The following KCNN2 variants were observed in gnomAD, a reference collection of about 807,000 sequenced individuals.
KCNN2 encodes potassium calcium-activated channel subfamily N member 2.
A neutral mutation model predicts 55.5 loss-of-function variants in KCNN2; 24 were observed. That is an observed-to-expected ratio of 0.43 (90% confidence interval 0.31 to 0.61). The LOEUF (loss-of-function observed/expected upper bound fraction) is 0.61, where lower values mean the gene tolerates loss of function less well. Among genes scored for constraint, KCNN2 ranks in the 20% least tolerant of loss-of-function variants. The pLI, the probability that KCNN2 is intolerant of heterozygous loss-of-function variation, is 0.08. For missense variants in KCNN2, 754 were observed against 853.6 expected (o/e 0.88, Z 1.45); for synonymous variants, 431 against 336.1 (o/e 1.28, Z -3.09).
chr5:114,071,909 G>T (rs1750577206), intron 1 of KCNN2, among the ~76,000 whole-genome samples: 1 of 152,190 alleles, frequency 6.6e-6, no homozygotes, highest in African/African-American at 2.4e-5. Context: ...CATAAAAGAT[G>T]ATTAGGTCAT....
intron 1 of KCNN2, among the ~76,000 whole-genome samples, chr5:114,172,132 T>C (rs1414436267): frequency 6.6e-6 from 1 of 151,888 alleles, no homozygotes; most frequent in African/African-American, 2.4e-5. Flanking sequence ...GTTTCTCCAG[T>C]TGATTCTCAA....
intron 3 of KCNN2, among the ~76,000 whole-genome samples, chr5:114,416,420 T>G (rs337714): frequency 0.52 from 78,294 of 151,982 alleles, 22,305 homozygotes; most frequent in African/African-American, 0.77. Context: ...ACCTTGCTGG[T>G]TTTTATGACC....
intron 2 of KCNN2, among the ~76,000 whole-genome samples, chr5:114,256,143 A>G (rs1754978919): frequency 1.3e-5 from 2 of 152,134 alleles, no homozygotes; most frequent in African/African-American, 4.8e-5. Context: ...ATAATCATCT[A>G]CAGTTCCATC....
rs554280219 is a variant in KCNN2 at position 114,328,677 on chromosome 5, C to T, written c.-184-32268C>T. 1.2e-4 allele frequency among the ~76,000 whole-genome samples: 19 copies of T among 152,228 alleles called. No homozygotes were observed. The East Asian group carries it at 2.7e-3, about 22-fold the overall frequency. The stretch of plus-strand genomic sequence containing the variant: ...GCCCATGGGAAACTGCCTCACCCTT[C>T]GGCAGGGAAGAAGCCACCTTTCCTG... On this transcript the variant is annotated intron_variant, in intron 2 of 10. Coordinates refer to the KCNN2 transcript ENST00000512097.
At chr5:114,075,477 T>C (rs571901136) in intron 1 of KCNN2, among the ~76,000 whole-genome samples, 8 of 152,364 alleles carry the variant, frequency 5.3e-5, no homozygotes, top group African/African-American at 1.4e-4. Context: ...CTGTAAAATA[T>C]GCTGCTGTGT....
At chr5:114,276,938 T>C (rs1273309172) in intron 2 of KCNN2, among the ~76,000 whole-genome samples, 1 of 152,178 alleles carries the variant, frequency 6.6e-6, no homozygotes, top group African/African-American at 2.4e-5. Context: ...ATAGTGTCGA[T>C]GGTCTTTACA....
At chr5:114,303,709 T>C (rs528335175) in intron 2 of KCNN2, among the ~76,000 whole-genome samples, 3 of 152,184 alleles carry the variant, frequency 2.0e-5, no homozygotes, top group African/African-American at 7.2e-5. Flanking sequence ...TAAGTTGCAA[T>C]GCAAATAGTA....
At chr5:114,342,221 A>T (rs1453304392) in intron 2 of KCNN2, among the ~76,000 whole-genome samples, 2 of 151,644 alleles carry the variant, frequency 1.3e-5, no homozygotes, top group Admixed American at 1.3e-4. Context: ...TTTTTAAATT[A>T]TATCTCCAGA....
chr5:114,306,847 C>G (rs1331318681), intron 2 of KCNN2, among the ~76,000 whole-genome samples: 1 of 151,964 alleles, frequency 6.6e-6, no homozygotes, highest in Non-Finnish European at 1.5e-5. Flanking sequence ...ACTACAGGCA[C>G]ACACCATCAT....
chr5:114,156,310 T>C (rs1752634232), intron 1 of KCNN2, among the ~76,000 whole-genome samples: 1 of 152,176 alleles, frequency 6.6e-6, no homozygotes, highest in African/African-American at 2.4e-5. Context: ...TAAAGTCAGG[T>C]AGCATGATGC....
intron 2 of KCNN2, among the ~76,000 whole-genome samples, chr5:114,276,066 C>T (rs1461052329): frequency 6.6e-6 from 1 of 152,156 alleles, no homozygotes; most frequent in East Asian, 1.9e-4. Context: ...ATCTTTATTT[C>T]TGCCTTCATT....
At chr5:114,243,938 C>T (rs1754696364) in intron 2 of KCNN2, among the ~76,000 whole-genome samples, 2 of 152,098 alleles carry the variant, frequency 1.3e-5, no homozygotes, top group Non-Finnish European at 2.9e-5. Context: ...TAAACTACTG[C>T]GGATTGCAAG....
At chr5:114,068,256 A>G (rs1750491299) in intron 1 of KCNN2, among the ~76,000 whole-genome samples, 1 of 152,258 alleles carries the variant, frequency 6.6e-6, no homozygotes, top group African/African-American at 2.4e-5. Flanking sequence ...TAATTATTAA[A>G]TAAATTTCTG....
At chr5:114,482,009 C>A (rs1022340937) in intron 5 of KCNN2, among the ~76,000 whole-genome samples, 1 of 152,046 alleles carries the variant, frequency 6.6e-6, no homozygotes, top group African/African-American at 2.4e-5. Context: ...AAAGCAATTG[C>A]AACAAGCAAA....
chr5:114,339,167 A>T (rs982984582), intron 2 of KCNN2, among the ~76,000 whole-genome samples: 13 of 152,220 alleles, frequency 8.5e-5, no homozygotes, highest in African/African-American at 3.1e-4. Context: ...AATACTTGAT[A>T]GGGTTTCTCA....
intron 2 of KCNN2, among the ~76,000 whole-genome samples, chr5:114,285,666 A>G (rs1329698239): frequency 1.3e-5 from 2 of 152,174 alleles, no homozygotes; most frequent in Non-Finnish European, 2.9e-5. Flanking sequence ...TGATGTGAAT[A>G]TACATTGAGT....
At chr5:114,146,645 T>G (rs1752402973) in intron 1 of KCNN2, among the ~76,000 whole-genome samples, 1 of 152,178 alleles carries the variant, frequency 6.6e-6, no homozygotes, top group Non-Finnish European at 1.5e-5. Flanking sequence ...GGAGAAGGCC[T>G]CAGGGATTAA....
intron 2 of KCNN2, among the ~76,000 whole-genome samples, chr5:114,396,201 GA>G (rs1758611587): frequency 6.6e-6 from 1 of 152,074 alleles, no homozygotes; most frequent in East Asian, 1.9e-4. Context: ...AGCAAGTTCT[GA>G]CAAGATTTCT....
intron 2 of KCNN2, among the ~76,000 whole-genome samples, chr5:114,228,176 T>C (rs914901288): frequency 2.0e-5 from 3 of 152,142 alleles, no homozygotes; most frequent in Non-Finnish European, 2.9e-5. Flanking sequence ...TCTTGAGATG[T>C]CATTTCAATT....
Sources: allele counts gnomAD v4.1 joint callset (sites outside exome capture counted in the v4.1 genomes callset), GRCh38; gene constraint gnomAD v4.1.1; transcripts MANE v1.5; gene names NCBI Gene and HGNC (gene_info 2026-07-23, HGNC 2026-07-21).